Variants in CNGB3 observed in about 807,000 individuals in gnomAD.
CNGB3 encodes the protein cyclic nucleotide-gated channel beta-3.
CNGB3 carries 86 observed loss-of-function variants against 92.8 expected under a neutral mutation model. That is an observed-to-expected ratio of 0.93 (90% confidence interval 0.78 to 1.11). The LOEUF (loss-of-function observed/expected upper bound fraction) is 1.11, where lower values mean the gene tolerates loss of function less well. Among genes scored for constraint, CNGB3 ranks in the 50% least tolerant of loss-of-function variants. CNGB3 has a pLI of 0.00. For missense variants in CNGB3, 1,026 were observed against 956.8 expected, an observed-to-expected ratio of 1.07 and a Z score of -0.95; for synonymous variants, 333 against 332.7, an observed-to-expected ratio of 1.00 and a Z score of -0.01.
intron 1 of CNGB3, 73 bp from the exon 2 acceptor site, chr8:86,739,809 C>T (rs1342384041): frequency 1.0e-5 from 15 of 1,486,356 alleles, no homozygotes; most frequent in Non-Finnish European, 1.4e-5. Context: ...AACATAACAC[C>T]ATTTTCCACT....
intron 15 of CNGB3, among the ~76,000 whole-genome samples, chr8:86,583,148 A>T (rs1821824043): frequency 6.6e-6 from 1 of 152,068 alleles, no homozygotes; most frequent in Non-Finnish European, 1.5e-5. Flanking sequence ...TGATCTGCCC[A>T]CCTTGGCCTC....
chr8:86,695,595 G>T (rs1824435286), intron 3 of CNGB3, among the ~76,000 whole-genome samples: 1 of 151,434 alleles, frequency 6.6e-6, no homozygotes, highest in South Asian at 2.1e-4. Flanking sequence ...CTTTAAGTTG[G>T]TTTTCACCTT....
At chr8:86,676,174 G>A (rs547178157) in intron 3 of CNGB3, among the ~76,000 whole-genome samples, 186 of 152,304 alleles carry the variant, frequency 1.2e-3, no homozygotes, top group Non-Finnish European at 2.1e-3. Context: ...TGCACGCAGG[G>A]ATAACATATT....
intron 5 of CNGB3, 89 bp from the exon 6 acceptor site, chr8:86,667,222 A>G (rs1823760978): frequency 9.0e-7 from 1 of 1,106,554 alleles, no homozygotes; most frequent in African/African-American, 1.5e-5. Flanking sequence ...TTGGGGCACT[A>G]CCCTCTACAG....
At position 86,671,031 on chromosome 8, in the gene CNGB3, C is replaced by T. The variant is rs1212185780; in HGVS notation, c.406G>A (p.Val136Met). 6.2e-7 allele frequency: 1 copy of T among 1,613,714 alleles called. No individual in the cohort carries two copies. Among genetic ancestry groups the T allele is most frequent in the African/African-American group, 1.3e-5 (1 of 74,840 alleles). ...GCTGTTCTTTGACGCATTCTTTTCA[C>T]CAGGTTGTGTAGCTGGGCATCGGCA... ...EYADAQLHNLVKRMRQRTALY... is the reference protein window; with the variant it reads ...EYADAQLHNLMKRMRQRTALY... Residue 136 changes from valine (V) to methionine (M), a missense_variant, in exon 4 of 18, where the codon GTG (valine) becomes ATG (methionine). Transcript: ENST00000320005.
intron 12 of CNGB3, among the ~76,000 whole-genome samples, 175 bp downstream of exon 12, chr8:86,628,744 A>G (rs1822899235): frequency 6.7e-6 from 1 of 148,988 alleles, no homozygotes; most frequent in Non-Finnish European, 1.5e-5. Flanking sequence ...CAAAACCAGT[A>G]AGATATTTAT....
intron 6 of CNGB3, among the ~76,000 whole-genome samples, chr8:86,655,549 G>T (rs2131604244): frequency 6.6e-6 from 1 of 152,234 alleles, no homozygotes; most frequent in African/African-American, 2.4e-5. Context: ...CATCCATCAA[G>T]ATTTGGACTA....
intron 15 of CNGB3, among the ~76,000 whole-genome samples, chr8:86,587,673 C>A (rs1237525656): frequency 2.0e-5 from 3 of 151,262 alleles, no homozygotes; most frequent in Non-Finnish European, 4.4e-5. Context: ...TTTCTGAGGG[C>A]TCTGTTCTGT....
chr8:86,612,271 CTGTT>C (rs1328909338), intron 13 of CNGB3, among the ~76,000 whole-genome samples: 20 of 152,082 alleles, frequency 1.3e-4, no homozygotes, highest in African/African-American at 3.4e-4. Context: ...GTAAGAAACA[CTGTT>C]TGGCTATAGG....
intron 11 of CNGB3, among the ~76,000 whole-genome samples, chr8:86,630,121 C>T (rs758764800): frequency 2.0e-5 from 3 of 152,190 alleles, no homozygotes; most frequent in Non-Finnish European, 4.4e-5. Flanking sequence ...AAACTATCTG[C>T]AGAGGAGCTA....
At chr8:86,734,265 G>A (rs988651044) in intron 2 of CNGB3, among the ~76,000 whole-genome samples, 2 of 152,154 alleles carry the variant, frequency 1.3e-5, no homozygotes, top group African/African-American at 4.8e-5. Flanking sequence ...AGTTTGGAGA[G>A]ATGATAGGGA....
chr8:86,735,926 C>T (rs1002934364), intron 2 of CNGB3, among the ~76,000 whole-genome samples: 11 of 151,978 alleles, frequency 7.2e-5, no homozygotes, highest in Non-Finnish European at 1.3e-4. Context: ...TTAAAAGTAT[C>T]GTAAACCACT....
At chr8:86,631,942 C>T (rs1010879891) in intron 11 of CNGB3, among the ~76,000 whole-genome samples, 2 of 152,122 alleles carry the variant, frequency 1.3e-5, no homozygotes, top group Non-Finnish European at 2.9e-5. Context: ...GTGTGTCTTC[C>T]ATGCGTAAAC....
intron 2 of CNGB3, among the ~76,000 whole-genome samples, chr8:86,732,370 GA>G (rs1174322173): frequency 6.6e-6 from 1 of 152,140 alleles, no homozygotes; most frequent in African/African-American, 2.4e-5. Context: ...GCTCAATGGG[GA>G]AAACGGTTGT....
chr8:86,736,505 G>A (rs1825252713), intron 2 of CNGB3, among the ~76,000 whole-genome samples: 2 of 151,956 alleles, frequency 1.3e-5, no homozygotes, highest in Admixed American at 1.3e-4. Context: ...TGTAATCCTT[G>A]GTTTTATGCT....
chr8:86,577,533 C>T (rs1052366390), intron 17 of CNGB3, among the ~76,000 whole-genome samples: 2 of 152,110 alleles, frequency 1.3e-5, no homozygotes, highest in Non-Finnish European at 2.9e-5. Context: ...GGAGGAAATA[C>T]AGCATTAGGT....
At chr8:86,672,963 C>G (rs1222924791) in intron 3 of CNGB3, among the ~76,000 whole-genome samples, 1 of 152,182 alleles carries the variant, frequency 6.6e-6, no homozygotes, top group Non-Finnish European at 1.5e-5. Context: ...AATAGGTGGA[C>G]ACTAGGTCCA....
At chr8:86,706,821 T>G (rs1824660267) in intron 3 of CNGB3, among the ~76,000 whole-genome samples, 1 of 152,226 alleles carries the variant, frequency 6.6e-6, no homozygotes, top group Non-Finnish European at 1.5e-5. Flanking sequence ...GTCAAATGCA[T>G]AACTTCTACT....
intron 10 of CNGB3, among the ~76,000 whole-genome samples, chr8:86,636,572 C>CAAAAAAAA (rs57907634): frequency 0.011 from 424 of 40,100 alleles, 28 homozygotes; most frequent in Non-Finnish European, 0.015. Flanking sequence ...GACCCTGTCT[C>CAAAAAAAA]AAAAAAAAAA....
Sources: allele counts gnomAD v4.1 joint callset (sites outside exome capture counted in the v4.1 genomes callset), GRCh38; gene constraint gnomAD v4.1.1; transcripts MANE v1.5; gene names NCBI Gene and HGNC (gene_info 2026-07-23, HGNC 2026-07-21).